The following DOCK8 variants were observed in gnomAD, a reference collection of about 807,000 sequenced individuals.
DOCK8 encodes dedicator of cytokinesis 8.
DOCK8 carries 141 observed loss-of-function variants against 245.6 expected under a neutral mutation model. That is an observed-to-expected ratio of 0.57 (90% CI 0.50 to 0.66). The LOEUF is 0.66. DOCK8 is among the 30% of genes least tolerant of loss of function. DOCK8 has a pLI of 0.00. For synonymous variants in DOCK8, 1,168 were observed against 970.2 expected (o/e 1.20, Z -3.79); for missense variants, 2,965 against 2,603.4 (o/e 1.14, Z -3.02).
intron 33 of DOCK8, among the ~76,000 whole-genome samples, chr9:426,248 C>G: frequency 6.6e-6 from 1 of 152,172 alleles, no homozygotes; most frequent in Non-Finnish European, 1.5e-5. Flanking sequence ...CCCTAGTGGG[C>G]AATGACCAGT....
rs1030455029 is a variant in DOCK8 at position 406,969 on chromosome 9, G to A, written c.3430G>A (p.Ala1144Thr). ...SCSSFQDQKI[A>T]SMFDLTSEYR... ...CTCCAGCTTCCAGGACCAGAAGATCGCCAGCATGTTCGATCTGACTTCCGA... is the reference window on the plus strand; with the variant it reads ...CTCCAGCTTCCAGGACCAGAAGATCACCAGCATGTTCGATCTGACTTCCGA... The change falls in exon 28 of 48, where the codon GCC becomes ACC. Residue 1144 changes from alanine (A) to threonine (T), a missense_variant. By Grantham distance (58) the Ala-to-Thr change is moderately conservative. Coordinates refer to ENST00000432829, the MANE Select transcript of DOCK8 (RefSeq NM_203447.4). The A allele has an allele frequency of 8.1e-6, 13 of 1,613,936 alleles. No homozygotes were observed. The highest frequency in any genetic ancestry group is 2.7e-5 in the African/African-American group (2 of 74,890).
At position 371,572 on chromosome 9, in the gene DOCK8, T is replaced by G. The variant is rs570138053; in HGVS notation, c.2007+6T>G. On this transcript the variant is annotated splice_donor_region_variant and intron_variant, in intron 17 of 47. Coordinates refer to ENST00000432829, the MANE Select transcript of DOCK8 (RefSeq NM_203447.4). ...AAACTCTCCTGGGATATTCAGTGAG[T>G]TGTTTCCAGCCTGCTGACTCACACT... The G allele has an allele frequency of 6.2e-7, 1 of 1,613,986 alleles. No homozygotes were observed. Among genetic ancestry groups the G allele is most frequent in the Non-Finnish European group, 8.5e-7 (1 of 1,179,984 alleles).
chr9:313,338 A>G lies in DOCK8; in HGVS notation c.741+1172A>G, dbSNP rs78281009. On this transcript the variant is annotated intron_variant, in intron 6 of 47. Coordinates refer to ENST00000432829, the MANE Select transcript of DOCK8 (RefSeq NM_203447.4). Reference sequence around the variant, plus strand: ...ACTAACTCTCTTAAGTTCTTTACTTAGAGCAAACTTCTGTCCACCTTCACC... The same window carrying G: ...ACTAACTCTCTTAAGTTCTTTACTTGGAGCAAACTTCTGTCCACCTTCACC... Among the ~76,000 whole-genome samples, 1,473 of 152,340 alleles carry G rather than the reference A, an allele frequency of 9.7e-3. 17 individuals carry two copies. Among genetic ancestry groups the G allele is most frequent in the South Asian group, 0.032 (156 of 4,824 alleles).
At chr9:225,179 G>A (rs972449040) in intron 1 of DOCK8, among the ~76,000 whole-genome samples, 1 of 152,132 alleles carries the variant, frequency 6.6e-6, no homozygotes, top group African/African-American at 2.4e-5. Flanking sequence ...GGGGTGAGTG[G>A]GTGACTATAA....
chr9:406,221 C>T (rs913635911), intron 27 of DOCK8, among the ~76,000 whole-genome samples: 3 of 152,116 alleles, frequency 2.0e-5, no homozygotes, highest in East Asian at 3.8e-4. Context: ...AGGCCGGGCA[C>T]GGTGGCTCAC....
chr9:418,450 T>G (rs2056130634), intron 30 of DOCK8, among the ~76,000 whole-genome samples: 1 of 152,010 alleles, frequency 6.6e-6, no homozygotes, highest in Admixed American at 6.6e-5. Flanking sequence ...TATCTTTTAG[T>G]AGAGACGGGG....
chr9:238,196 A>G (rs140632671), intron 1 of DOCK8, among the ~76,000 whole-genome samples: 2 of 152,352 alleles, frequency 1.3e-5, no homozygotes, highest in East Asian at 3.9e-4. Context: ...AAAGCAGGGC[A>G]GACCTTTGAG....
chr9:270,914 A>G (rs1005402994), intron 1 of DOCK8, among the ~76,000 whole-genome samples: 3 of 152,228 alleles, frequency 2.0e-5, no homozygotes, highest in Admixed American at 1.3e-4. Context: ...TGGCTAACAG[A>G]TAAGTGCTCA....
chr9:271,678 C>T lies in DOCK8; in HGVS notation c.105C>T (p.Gly35=), dbSNP rs1357337062. 6.4e-7 allele frequency: 1 copy of T among 1,551,720 alleles called. No individual in the cohort carries two copies. Among genetic ancestry groups the T allele is most frequent in the South Asian group, 1.2e-5 (1 of 84,014 alleles). Residue 35 remains glycine, a synonymous_variant, in exon 2 of 48, where the codon GGC becomes GGT. Coordinates refer to ENST00000432829, the MANE Select transcript of DOCK8 (RefSeq NM_203447.4). The stretch of plus-strand genomic sequence containing the variant: ...AGTTTACTCTCCCACCAAACCTTGG[C>T]CAGTACCATCGACAGAGCATAAGTA... ...RKQFTLPPNL[G]QYHRQSISTS... is the part of the protein sequence containing the mutation.
intron 1 of DOCK8, chr9:215,603 A>G: frequency 1.6e-6 from 1 of 612,590 alleles, no homozygotes; most frequent in African/African-American, 1.9e-5. Context: ...TGAAGTGGAA[A>G]AAGTGATTTT....
chr9:271,580 T>C (rs1306737470), intron 1 of DOCK8, 47 bp from the exon 2 acceptor site: 47 of 1,387,862 alleles, frequency 3.4e-5, no homozygotes, highest in Non-Finnish European at 4.5e-5. Flanking sequence ...ATTGTGATGA[T>C]TTCCTAAAAT....
At chr9:375,770 G>A (rs1256565798) in intron 18 of DOCK8, among the ~76,000 whole-genome samples, 2 of 152,302 alleles carry the variant, frequency 1.3e-5, no homozygotes, top group African/African-American at 4.8e-5. Context: ...GCTGAAGTGG[G>A]CAGATCACTT....
intron 1 of DOCK8, among the ~76,000 whole-genome samples, chr9:236,022 T>C (rs2047238917): frequency 6.6e-6 from 1 of 152,240 alleles, no homozygotes; most frequent in African/African-American, 2.4e-5. Context: ...ACTGGAGCTG[T>C]TCCTATTCGG....
intron 10 of DOCK8, 77 bp from the exon 11 acceptor site, chr9:334,148 G>A (rs2051191598): frequency 1.3e-6 from 2 of 1,527,700 alleles, no homozygotes; most frequent in African/African-American, 1.4e-5. Flanking sequence ...TTTGGAGATG[G>A]CTGTCATATT....
chr9:284,848 ACCAAATG>A (rs1333579419), intron 2 of DOCK8, among the ~76,000 whole-genome samples: 1 of 152,152 alleles, frequency 6.6e-6, no homozygotes, highest in Admixed American at 6.5e-5. Context: ...GAAATAGAAA[ACCAAATG>A]CTGCATGTTC....
intron 1 of DOCK8, among the ~76,000 whole-genome samples, chr9:226,665 T>G (rs994829411): frequency 1.3e-5 from 2 of 152,082 alleles, no homozygotes; most frequent in African/African-American, 4.8e-5. Context: ...GGTTGGATAT[T>G]GATGCTTTTA....
chr9:462,204 GT>G (rs1379327739), intron 46 of DOCK8, among the ~76,000 whole-genome samples: 1 of 152,088 alleles, frequency 6.6e-6, no homozygotes, highest in East Asian at 1.9e-4. Context: ...TTGAGAATGT[GT>G]TCCTCCAGAA....
Position 447,256 on chromosome 9 carries a change from C to G in DOCK8, c.5817+650C>G, listed in dbSNP as rs149319319. Among the ~76,000 whole-genome samples, 549 of 152,328 alleles carry G rather than the reference C, an allele frequency of 3.6e-3. 2 individuals are homozygous for G. Among genetic ancestry groups the G allele is most frequent in the African/African-American group, 0.013 (525 of 41,578 alleles). ...TCAAACCACAGAATTGTTCAAAATTCTACACACCATAAACAACTTATTATT... is the reference window on the plus strand; with the variant it reads ...TCAAACCACAGAATTGTTCAAAATTGTACACACCATAAACAACTTATTATT... On this transcript the variant is annotated intron_variant, in intron 44 of 47. Coordinates refer to ENST00000432829, the MANE Select transcript of DOCK8 (RefSeq NM_203447.4).
At chr9:422,776 G>A (rs186202488) in intron 33 of DOCK8, among the ~76,000 whole-genome samples, 1 of 152,304 alleles carries the variant, frequency 6.6e-6, no homozygotes, top group Non-Finnish European at 1.5e-5. Flanking sequence ...CCTGAGGTCA[G>A]TAGTTCGAGA....
Sources: allele counts gnomAD v4.1 joint callset (sites outside exome capture counted in the v4.1 genomes callset), GRCh38; gene constraint gnomAD v4.1.1; transcripts MANE v1.5; gene names NCBI Gene and HGNC (gene_info 2026-07-23, HGNC 2026-07-21).